The following ZNF532 variants were observed in gnomAD, a reference collection of about 807,000 sequenced individuals.
ZNF532 encodes the protein zinc finger protein 532.
In ZNF532, 22 loss-of-function variants were observed where a neutral mutation model predicts 89.3. The observed-to-expected ratio is 0.25, with a 90% CI of 0.18 to 0.35. The LOEUF (loss-of-function observed/expected upper bound fraction) is 0.35. Ranked by LOEUF, ZNF532 falls within the 10% of genes least tolerant of loss-of-function variation. The probability of loss-of-function intolerance (pLI) is 1.00; values close to 1 mark genes in which losing one functional copy is unlikely to be tolerated. For synonymous variants in ZNF532, 606 were observed against 649.6 expected (o/e 0.93, Z 1.02); for missense variants, 1,132 against 1,643.4 (o/e 0.69, Z 5.38).
chr18:58,915,711 G>A (rs951942295), intron 2 of ZNF532, among the ~76,000 whole-genome samples: 4 of 152,180 alleles, frequency 2.6e-5, no homozygotes, highest in Non-Finnish European at 1.5e-5. Flanking sequence ...ACCTTCCCAG[G>A]GTTCATAAGA....
intron 2 of ZNF532, among the ~76,000 whole-genome samples, chr18:58,868,335 T>A (rs1219213105): frequency 6.6e-6 from 1 of 152,234 alleles, no homozygotes; most frequent in Non-Finnish European, 1.5e-5. Context: ...TTAAAAAAAT[T>A]TAAAATTTGT....
chr18:58,941,491 G>A (rs1475422513), intron 5 of ZNF532, among the ~76,000 whole-genome samples: 3 of 50,354 alleles, frequency 6.0e-5, no homozygotes, highest in Non-Finnish European at 7.7e-5. Flanking sequence ...TTTTTTTTAT[G>A]AGACAGAGTC....
chr18:58,969,512 AG>A (rs1030109266), intron 7 of ZNF532, among the ~76,000 whole-genome samples: 3 of 152,150 alleles, frequency 2.0e-5, no homozygotes, highest in Non-Finnish European at 2.9e-5. Context: ...GGACACTCTA[AG>A]GGGTCACTTG....
intron 7 of ZNF532, among the ~76,000 whole-genome samples, chr18:58,959,260 G>GTTTTTTTTTTTT (rs1459830009): frequency 1.3e-4 from 17 of 128,740 alleles, no homozygotes; most frequent in African/African-American, 4.3e-4. Context: ...TTTGTTTTTT[G>GTTTTTTTTTTTT]TTTTTTTTTG....
intron 7 of ZNF532, 120 bp from the exon 8 acceptor site, chr18:58,978,935 T>C: frequency 1.3e-6 from 1 of 744,888 alleles, no homozygotes; most frequent in South Asian, 1.7e-5. Context: ...ATGTCAACCC[T>C]CAGTTTTGGA....
At chr18:58,954,860 G>A (rs2064603992) in intron 7 of ZNF532, among the ~76,000 whole-genome samples, 1 of 151,776 alleles carries the variant, frequency 6.6e-6, no homozygotes, top group African/African-American at 2.4e-5. Flanking sequence ...TTACAGATGT[G>A]CACCACCACG....
intron 2 of ZNF532, chr18:58,916,730 A>G (rs2060627856): frequency 1.0e-6 from 1 of 985,274 alleles, no homozygotes; most frequent in Non-Finnish European, 1.2e-6. Context: ...CCCCAGAGTG[A>G]GTTAATATAC....
intron 2 of ZNF532, among the ~76,000 whole-genome samples, chr18:58,885,871 G>A (rs1490509923): frequency 6.6e-6 from 1 of 151,954 alleles, no homozygotes; most frequent in African/African-American, 2.4e-5. Flanking sequence ...GTTGGAAGTA[G>A]AGAGTAAAAG....
At chr18:58,977,952 G>C (rs2067244889) in intron 7 of ZNF532, among the ~76,000 whole-genome samples, 1 of 152,164 alleles carries the variant, frequency 6.6e-6, no homozygotes, top group Non-Finnish European at 1.5e-5. Context: ...TGAGTTTAGA[G>C]CCAGATTTTG....
At chr18:58,928,320 G>A (rs1302212536) in intron 3 of ZNF532, among the ~76,000 whole-genome samples, 1 of 152,200 alleles carries the variant, frequency 6.6e-6, no homozygotes, top group Admixed American at 6.5e-5. Flanking sequence ...CTCTCTGCCA[G>A]TTGCTGCTGC....
intron 7 of ZNF532, among the ~76,000 whole-genome samples, chr18:58,978,529 TGAGA>T (rs972633540): frequency 1.3e-5 from 2 of 152,178 alleles, no homozygotes; most frequent in African/African-American, 2.4e-5. Context: ...CCTGTGTTTT[TGAGA>T]GAGAATTTTT....
chr18:58,884,939 T>C (rs1291745791), intron 2 of ZNF532, among the ~76,000 whole-genome samples: 1 of 152,108 alleles, frequency 6.6e-6, no homozygotes, highest in Non-Finnish European at 1.5e-5. Context: ...TCAGTATTTC[T>C]ATAAACTCAC....
intron 2 of ZNF532, among the ~76,000 whole-genome samples, chr18:58,893,668 AAAAG>A (rs1449021466): frequency 9.2e-5 from 14 of 151,948 alleles, no homozygotes; most frequent in African/African-American, 2.7e-4. Context: ...AAAAAAAAAA[AAAAG>A]AAAGAAATGA....
chr18:58,954,887 A>G (rs1008896399), intron 7 of ZNF532, among the ~76,000 whole-genome samples: 7 of 151,880 alleles, frequency 4.6e-5, no homozygotes, highest in African/African-American at 1.7e-4. Context: ...TAATTTTTAA[A>G]TATTTTTAGT....
intron 7 of ZNF532, among the ~76,000 whole-genome samples, chr18:58,963,843 T>A (rs1236469462): frequency 5.3e-5 from 7 of 132,970 alleles, no homozygotes; most frequent in African/African-American, 9.7e-5. Flanking sequence ...AAAAAAAAAA[T>A]TTAAAAGGTG....
chr18:58,910,881 TG>T (rs144914553), intron 2 of ZNF532, among the ~76,000 whole-genome samples: 12,541 of 151,590 alleles, frequency 0.083, 988 homozygotes, highest in East Asian at 0.39. Context: ...CAGCCTGGTT[TG>T]TTTTTTTTTT....
intron 7 of ZNF532, among the ~76,000 whole-genome samples, chr18:58,972,454 A>G (rs1201445437): frequency 6.6e-6 from 1 of 152,200 alleles, no homozygotes; most frequent in South Asian, 2.1e-4. Context: ...TGATAAAGAA[A>G]TAAGAAAATG....
intron 2 of ZNF532, chr18:58,916,605 A>G (rs2060619290): frequency 1.7e-6 from 1 of 587,888 alleles, no homozygotes; most frequent in Non-Finnish European, 2.1e-6. Flanking sequence ...GTATTAACCG[A>G]GACAGGTGTG....
intron 9 of ZNF532, among the ~76,000 whole-genome samples, chr18:58,983,333 C>A (rs1331126327): frequency 3.3e-5 from 5 of 152,014 alleles, no homozygotes; most frequent in African/African-American, 1.2e-4. Context: ...CTTCCAGAGG[C>A]TCTCAGTCTA....
Sources: gnomAD v4.1 joint callset for allele counts (sites outside exome capture counted in the v4.1 genomes callset) on GRCh38, gnomAD v4.1.1 for gene constraint, MANE v1.5 for transcripts, NCBI Gene and HGNC (gene_info 2026-07-23, HGNC 2026-07-21) for gene names.